WDR89: variants seen among roughly 807,000 people sequenced by gnomAD.
The protein encoded by WDR89 is WD repeat domain 89.
In WDR89, 17 loss-of-function variants were observed where a neutral mutation model predicts 29.1. The observed-to-expected ratio is 0.58, with a 90% CI of 0.40 to 0.88. The LOEUF (loss-of-function observed/expected upper bound fraction) is 0.88. Ranked by LOEUF, WDR89 falls within the 40% of genes least tolerant of loss-of-function variation. WDR89 has a pLI of 0.00. For missense variants in WDR89, 396 were observed against 456.3 expected (o/e 0.87, Z 1.20); for synonymous variants, 138 against 157.8 (o/e 0.87, Z 0.94).
At chr14:63,625,657 G>C (rs1248818944) in intron 1 of WDR89, among the ~76,000 whole-genome samples, 2 of 152,146 alleles carry the variant, frequency 1.3e-5, no homozygotes, top group African/African-American at 4.8e-5. Flanking sequence ...GTACCGATTT[G>C]AGTGTTGGTG....
At position 63,601,494 on chromosome 14, in the gene WDR89, G is replaced by A. The variant is rs910693224; in HGVS notation, c.-31-1521C>T. The A allele has an allele frequency of 2.6e-5, 35 of 1,322,242 alleles. No homozygotes were observed. The African/African-American group carries it at 4.4e-4, about 16-fold the overall frequency. 81.9% of individuals were successfully genotyped at this position (1,322,242 alleles called of 1,614,324 possible). A position where few individuals can be genotyped will look rare whatever the true frequency, so the allele number is the denominator to read the frequency against. On this transcript the variant is annotated intron_variant, in intron 2 of 2. Coordinates refer to ENST00000620954, the MANE Select transcript of WDR89 (RefSeq NM_080666.4). ...TGACACTAGAGCAGAGTACGAGTCT[G>A]AGGTGGAGGGAGTCATGGCAGGACA...
chr14:63,622,224 C>G (rs916921275), intron 2 of WDR89, among the ~76,000 whole-genome samples: 1 of 152,004 alleles, frequency 6.6e-6, no homozygotes, highest in African/African-American at 2.4e-5. Context: ...CACCTGAGGT[C>G]AGGAGTTCAA....
In WDR89 at chr14:63,605,211, TACAC is replaced by T. The variant is rs200461481; in HGVS notation, c.-31-5242_-31-5239del. On this transcript the variant is annotated intron_variant, in intron 2 of 2. Transcript: ENST00000620954. The stretch of plus-strand genomic sequence containing the variant: ...ACACACACACATATATACATACACA[TACAC>T]ACACACACACACACACACACACACA... Among the ~76,000 whole-genome samples the T allele has an allele frequency of 8.7e-3, 892 of 102,514 alleles. 4 individuals carry two copies. Among genetic ancestry groups the T allele is most frequent in the East Asian group, 0.038 (72 of 1,882 alleles). The allele number at this position is 102,514 out of a possible 152,430, so 67.3% of individuals were successfully genotyped here. A position where few individuals can be genotyped will look rare whatever the true frequency, so the allele number is the denominator to read the frequency against.
intron 1 of WDR89, chr14:63,630,605 T>C (rs1883335649): frequency 6.6e-6 from 1 of 150,924 alleles, no homozygotes; most frequent in Admixed American, 6.6e-5. Flanking sequence ...ATTGTGTCAT[T>C]GCACTCCAGC....
intron 1 of WDR89, among the ~76,000 whole-genome samples, chr14:63,634,508 C>T (rs1167856958): frequency 1.0e-4 from 15 of 145,588 alleles, no homozygotes; most frequent in African/African-American, 2.9e-4. Flanking sequence ...GGCGACAGAG[C>T]GAGACTCCCT....
At chr14:63,614,189 T>C (rs1448796771) in intron 2 of WDR89, among the ~76,000 whole-genome samples, 1 of 152,126 alleles carries the variant, frequency 6.6e-6, no homozygotes, top group African/African-American at 2.4e-5. Flanking sequence ...CAGTAGCTGC[T>C]AATGTGTAAA....
intron 2 of WDR89, among the ~76,000 whole-genome samples, chr14:63,622,883 G>A (rs185601218): frequency 7.2e-5 from 11 of 152,190 alleles, no homozygotes; most frequent in East Asian, 5.8e-4. Context: ...CACATTATTC[G>A]AAGCTAGATT....
intron 2 of WDR89, among the ~76,000 whole-genome samples, chr14:63,605,221 C>T (rs1478232498): frequency 1.4e-5 from 2 of 144,876 alleles, no homozygotes; most frequent in Non-Finnish European, 3.1e-5. Flanking sequence ...TACACACACA[C>T]ACACACACAC....
chr14:63,626,036 T>A (rs1329715793), intron 1 of WDR89, among the ~76,000 whole-genome samples: 1 of 152,020 alleles, frequency 6.6e-6, no homozygotes, highest in African/African-American at 2.4e-5. Context: ...GTATCTTTAG[T>A]AGAGATGGGG....
intron 2 of WDR89, among the ~76,000 whole-genome samples, chr14:63,607,774 G>T (rs528440143): frequency 2.0e-4 from 30 of 151,868 alleles, no homozygotes; most frequent in Non-Finnish European, 7.4e-5. Flanking sequence ...CCAGCTACTT[G>T]GGAGGCTGAG....
At chr14:63,621,249 CATT>C (rs1452260090) in intron 2 of WDR89, among the ~76,000 whole-genome samples, 1 of 152,014 alleles carries the variant, frequency 6.6e-6, no homozygotes, top group African/African-American at 2.4e-5. Flanking sequence ...TTCATAGTAG[CATT>C]ATTATTATTG....
chr14:63,640,631 G>A (rs1884045459), intron 1 of WDR89, among the ~76,000 whole-genome samples: 1 of 150,472 alleles, frequency 6.6e-6, no homozygotes, highest in Non-Finnish European at 1.5e-5. Flanking sequence ...TGGGACTACA[G>A]GCGCCCGCCA....
chr14:63,626,327 A>G (rs921720958), intron 1 of WDR89, among the ~76,000 whole-genome samples: 1 of 152,194 alleles, frequency 6.6e-6, no homozygotes, highest in Non-Finnish European at 1.5e-5. Context: ...AGCTAAAAGA[A>G]GCAGTAAGTC....
chr14:63,634,232 C>A (rs1883588810), intron 1 of WDR89, among the ~76,000 whole-genome samples: 2 of 152,210 alleles, frequency 1.3e-5, no homozygotes, highest in South Asian at 4.1e-4. Flanking sequence ...ACTAAAAACA[C>A]AAAAACTGGC....
intron 1 of WDR89, among the ~76,000 whole-genome samples, chr14:63,631,392 T>G (rs1451642840): frequency 6.6e-6 from 1 of 151,998 alleles, no homozygotes; most frequent in Admixed American, 6.6e-5. Context: ...TTGCACAGAG[T>G]CTTAACTCTG....
At chr14:63,641,638 G>C (rs1333984652) in intron 1 of WDR89, among the ~76,000 whole-genome samples, 166 bp downstream of exon 1, 3 of 152,242 alleles carry the variant, frequency 2.0e-5, no homozygotes, top group Non-Finnish European at 2.9e-5. Flanking sequence ...ACGGCGGAGC[G>C]AGACTGCCAA....
intron 1 of WDR89, among the ~76,000 whole-genome samples, chr14:63,627,394 T>C (rs1383069362): frequency 1.3e-5 from 2 of 152,140 alleles, no homozygotes; most frequent in East Asian, 3.9e-4. Context: ...CAAATTAGAG[T>C]ATTGCCACAT....
intron 1 of WDR89, among the ~76,000 whole-genome samples, chr14:63,641,137 A>G (rs1176503234): frequency 3.3e-5 from 5 of 151,978 alleles, no homozygotes; most frequent in Admixed American, 1.3e-4. Context: ...AGAAAAACAA[A>G]AAAGAAAACA....
intron 2 of WDR89, among the ~76,000 whole-genome samples, chr14:63,605,261 T>C (rs1170009993): frequency 6.7e-6 from 1 of 148,900 alleles, no homozygotes; most frequent in Non-Finnish European, 1.5e-5. Context: ...GAAAGTTCCA[T>C]CATCTAATTG....
Sources: gnomAD v4.1 joint callset for allele counts (sites outside exome capture counted in the v4.1 genomes callset) on GRCh38, gnomAD v4.1.1 for gene constraint, MANE v1.5 for transcripts, NCBI Gene and HGNC (gene_info 2026-07-23, HGNC 2026-07-21) for gene names.